SPTAN1: variants seen among roughly 807,000 people sequenced by gnomAD.
The protein encoded by SPTAN1 is spectrin alpha chain, non-erythrocytic 1.
SPTAN1 carries 61 observed loss-of-function variants against 331.3 expected under a neutral mutation model. That is an observed-to-expected ratio of 0.18 (90% CI 0.15 to 0.23). SPTAN1 has a LOEUF of 0.23. Ranked by LOEUF, SPTAN1 falls within the 10% of genes least tolerant of loss-of-function variation. The pLI, the probability that SPTAN1 is intolerant of heterozygous loss-of-function variation, is 1.00. For synonymous variants in SPTAN1, 1,153 were observed against 1,173.9 expected (o/e 0.98, Z 0.36); for missense variants, 2,043 against 3,147.9 (o/e 0.65, Z 8.40).
chr9:128,561,422 T>C lies in SPTAN1; in HGVS notation c.-3-5316T>C, dbSNP rs544660849. Among the ~76,000 whole-genome samples the C allele has an allele frequency of 1.2e-4, 17 of 146,824 alleles. 1 individual carries two copies. The highest frequency in any genetic ancestry group is 1.1e-3 in the South Asian group (5 of 4,556). On this transcript the variant is annotated intron_variant, in intron 1 of 56. Coordinates refer to ENST00000372739, the MANE Select transcript of SPTAN1 (RefSeq NM_001130438.3). ...CTCACGCCTGTAATCCCAGCTCTTTTGGAGGCCGAGGCAGGCAGATCACGA... is the reference window on the plus strand; with the variant it reads ...CTCACGCCTGTAATCCCAGCTCTTTCGGAGGCCGAGGCAGGCAGATCACGA...
intron 1 of SPTAN1, among the ~76,000 whole-genome samples, chr9:128,554,296 A>G (rs1488895136): frequency 6.6e-6 from 1 of 152,150 alleles, no homozygotes; most frequent in African/African-American, 2.4e-5. Flanking sequence ...CAGCCTAGTA[A>G]CTGATTCTCT....
intron 9 of SPTAN1, among the ~76,000 whole-genome samples, chr9:128,578,900 A>C (rs1468362911): frequency 6.6e-6 from 1 of 152,152 alleles, no homozygotes; most frequent in East Asian, 1.9e-4. Context: ...CAATATACTG[A>C]AAGTCAAACA....
At chr9:128,608,826 G>C (rs374391741) in intron 34 of SPTAN1, 48 bp from the exon 35 acceptor site, 1 of 1,585,562 alleles carries the variant, frequency 6.3e-7, no homozygotes, top group African/African-American at 1.3e-5. Context: ...GTCCAGGCAG[G>C]GCCCAGCCAC....
chr9:128,566,306 T>C (rs1850030782), intron 1 of SPTAN1, among the ~76,000 whole-genome samples: 2 of 152,190 alleles, frequency 1.3e-5, no homozygotes, highest in Admixed American at 1.3e-4. Flanking sequence ...GTCTGCCACT[T>C]TGGCCTCCCA....
At chr9:128,603,705 C>T (rs1855463354) in intron 28 of SPTAN1, 115 bp downstream of exon 28, 3 of 1,275,124 alleles carry the variant, frequency 2.4e-6, no homozygotes, top group Non-Finnish European at 3.4e-6. Flanking sequence ...ACATATCTCA[C>T]TCTATTGGGT....
At chr9:128,556,044 A>AC (rs1848602066) in intron 1 of SPTAN1, among the ~76,000 whole-genome samples, 2 of 152,112 alleles carry the variant, frequency 1.3e-5, no homozygotes, top group South Asian at 2.1e-4. Context: ...ACATAGTGAA[A>AC]CCCCATCTCT....
intron 46 of SPTAN1, 166 bp from the exon 47 acceptor site, chr9:128,624,937 G>C: frequency 1.4e-6 from 1 of 705,878 alleles, no homozygotes; most frequent in Non-Finnish European, 2.5e-6. Context: ...ATGGAGGCCA[G>C]GCCTGGGTGC....
At chr9:128,609,787 T>A in intron 37 of SPTAN1, 122 bp downstream of exon 37, 1 of 631,802 alleles carries the variant, frequency 1.6e-6, no homozygotes, top group Non-Finnish European at 2.6e-6. Flanking sequence ...TCCATCCTTT[T>A]CATTTCTAAT....
At position 128,576,879 on chromosome 9, in the gene SPTAN1, C is replaced by T. The variant is rs1004400579; in HGVS notation, c.708C>T (p.Ala236=). ...CTAAGCAGGATGAAGTCAATGCAGC[C>T]TGGCAGCGGCTGAAGGGCCTGGCTC... ...IKTKQDEVNA[A]WQRLKGLALQ... is the part of the protein sequence containing the mutation. Residue 236 remains alanine (A), a synonymous_variant, in exon 6 of 57, where the codon GCC becomes GCT. Transcript: ENST00000372739. 2 of 1,614,126 alleles carry T rather than the reference C, an allele frequency of 1.2e-6. No homozygotes were observed. The highest frequency in any genetic ancestry group is 3.3e-5 in the Admixed American group (2 of 60,026).
chr9:128,611,811 G>C lies in SPTAN1; in HGVS notation c.4871G>C (p.Arg1624Pro). 1 of 1,614,170 alleles carries C rather than the reference G, an allele frequency of 6.2e-7. No individual in the cohort carries two copies. Among genetic ancestry groups the C allele is most frequent in the Middle Eastern group, 1.6e-4 (1 of 6,062 alleles). The change falls in exon 38 of 57, where the codon CGT (arginine) becomes CCT (proline). Residue 1624 changes from arginine (R) to proline (P), a missense_variant. Arg to Pro is a moderately radical substitution (Grantham distance 103, BLOSUM62 -2). Transcript: ENST00000372739. ...GACATGGGCAACTCCCTCATTGAAC[G>C]TGGAGCCTGTGCCGGCAGTGAGGAT... ...VIDMGNSLIE[R>P]GACAGSEDAV...
rs1256953654 is a variant in SPTAN1, at chr9:128,632,646, A to G, written c.7088A>G (p.Asp2363Gly). ...FKSCLRSLGY[D>G]LPMVEEGEPD... ...TCTTGCCTGCGCTCCCTGGGCTATG[A>G]CCTGCCCATGGTGGAGGAAGGGGAA... The change falls in exon 55 of 57, where the codon GAC (aspartate) becomes GGC (glycine). Residue 2363 changes from aspartate (D) to glycine (G), a missense_variant. Asp to Gly is a moderately conservative substitution (Grantham distance 94). Around this residue, in one of 12 missense-constraint regions of SPTAN1, gnomAD observed 58 missense variants for 74.0 expected, o/e 0.78. Transcript: ENST00000372739. The G allele has an allele frequency of 4.3e-6, 7 of 1,613,894 alleles. No individual in the cohort carries two copies. The highest frequency in any genetic ancestry group is 5.9e-6 in the Non-Finnish European group (7 of 1,180,020).
Position 128,593,162 on chromosome 9 carries a change from G to A in SPTAN1, c.3215+120G>A, listed in dbSNP as rs1040956381. 6 of 1,085,070 alleles carry A rather than the reference G, an allele frequency of 5.5e-6. No individual in the cohort carries two copies. The African/African-American group carries it at 6.2e-5, about 11-fold the overall frequency. The allele number at this position is 1,085,070 out of a possible 1,614,324, so 67.2% of individuals were successfully genotyped here. On this transcript the variant is annotated intron_variant, in intron 23 of 56. Coordinates refer to ENST00000372739, the MANE Select transcript of SPTAN1 (RefSeq NM_001130438.3). ...GAAAGATGAGGTGGTGGGAGGAACT[G>A]CCTGTCCGTGCAGCAGCTTTGGCTC...
intron 24 of SPTAN1, 131 bp from the exon 25 acceptor site, chr9:128,598,269 C>T (rs1385305211): frequency 5.5e-6 from 4 of 724,628 alleles, no homozygotes; most frequent in Non-Finnish European, 9.4e-6. Flanking sequence ...TTTTTTAATC[C>T]CCCCCTTTTT....
At chr9:128,553,252 T>A (rs1315108355) in intron 1 of SPTAN1, 1 of 152,272 alleles carries the variant, frequency 6.6e-6, no homozygotes, top group Non-Finnish European at 1.5e-5. Context: ...GCATGGCGAA[T>A]CTCTGCCGTC....
intron 1 of SPTAN1, among the ~76,000 whole-genome samples, chr9:128,564,839 G>A (rs1188239682): frequency 1.3e-5 from 2 of 152,170 alleles, no homozygotes; most frequent in Non-Finnish European, 2.9e-5. Flanking sequence ...CTAAACAAAG[G>A]AAGCATGTGC....
intron 1 of SPTAN1, among the ~76,000 whole-genome samples, chr9:128,557,799 C>CTTT (rs72214808): frequency 3.3e-4 from 28 of 84,972 alleles, no homozygotes; most frequent in African/African-American, 3.6e-4. Context: ...TTAGAAATTT[C>CTTT]TTTTTTTTTT....
intron 39 of SPTAN1, among the ~76,000 whole-genome samples, 165 bp from the exon 40 acceptor site, chr9:128,613,216 G>A (rs750521661): frequency 2.6e-5 from 4 of 152,178 alleles, no homozygotes; most frequent in Non-Finnish European, 4.4e-5. Flanking sequence ...GTCTCAGGCC[G>A]GGCAGGCTGA....
chr9:128,589,169 C>G (rs954813560), intron 21 of SPTAN1, among the ~76,000 whole-genome samples: 1 of 152,144 alleles, frequency 6.6e-6, no homozygotes, highest in Non-Finnish European at 1.5e-5. Flanking sequence ...GATAATCACA[C>G]TCAGAAGGAT....
At chr9:128,600,775 G>C (rs1379658893) in intron 27 of SPTAN1, among the ~76,000 whole-genome samples, 1 of 148,484 alleles carries the variant, frequency 6.7e-6, no homozygotes, top group African/African-American at 2.5e-5. Flanking sequence ...CAATTCTCCT[G>C]CCTCAGCCTC....
Sources: allele counts gnomAD v4.1 joint callset (sites outside exome capture counted in the v4.1 genomes callset), GRCh38; gene constraint gnomAD v4.1.1; regional missense constraint gnomAD v4.1.1; transcripts MANE v1.5; gene names NCBI Gene and HGNC (gene_info 2026-07-23, HGNC 2026-07-21).